Variants in TRIM2 observed in about 807,000 individuals in gnomAD.
TRIM2 encodes the protein tripartite motif containing 2, also known as tripartite motif-containing protein 2.
TRIM2 carries 20 observed loss-of-function variants against 75.2 expected under a neutral mutation model. The ratio of observed to expected loss-of-function variants is 0.27; its 90% CI spans 0.19 to 0.39. The LOEUF (loss-of-function observed/expected upper bound fraction) is 0.39. Among genes scored for constraint, TRIM2 ranks in the 10% least tolerant of loss-of-function variants. The pLI, the probability that TRIM2 is intolerant of heterozygous loss-of-function variation, is 1.00. For synonymous variants in TRIM2, 373 were observed against 388.3 expected, an observed-to-expected ratio of 0.96 and a Z score of 0.46; for missense variants, 660 against 990.8, an observed-to-expected ratio of 0.67 and a Z score of 4.48.
intron 1 of TRIM2, among the ~76,000 whole-genome samples, chr4:153,231,852 C>T (rs1307880342): frequency 6.6e-6 from 1 of 151,880 alleles, no homozygotes; most frequent in Non-Finnish European, 1.5e-5. Context: ...CTAATGACTT[C>T]ATTTTAACTT....
intron 1 of TRIM2, among the ~76,000 whole-genome samples, chr4:153,153,499 A>G (rs1285928013): frequency 6.6e-6 from 1 of 152,174 alleles, no homozygotes; most frequent in East Asian, 1.9e-4. Flanking sequence ...CAGGGTTGCC[A>G]GCGCCGGGCT....
chr4:153,221,041 A>G (rs1028294115), intron 1 of TRIM2, among the ~76,000 whole-genome samples: 1 of 152,234 alleles, frequency 6.6e-6, no homozygotes, highest in Admixed American at 6.5e-5. Context: ...CTTGCATTCA[A>G]ATGTTCATAG....
chr4:153,330,464 G>A (rs1431445544), intron 11 of TRIM2, among the ~76,000 whole-genome samples: 3 of 152,102 alleles, frequency 2.0e-5, no homozygotes, highest in African/African-American at 4.8e-5. Flanking sequence ...TGACCAAGTG[G>A]AGTTTATTCC....
chr4:153,315,735 T>G (rs1767446465), intron 7 of TRIM2, 97 bp from the exon 8 acceptor site: 1 of 1,506,902 alleles, frequency 6.6e-7, no homozygotes, highest in African/African-American at 1.4e-5. Flanking sequence ...AGTTTGCGTG[T>G]TCTGATCTCT....
intron 11 of TRIM2, 50 bp from the exon 12 acceptor site, chr4:153,334,764 A>T (rs200558727): frequency 6.6e-7 from 1 of 1,510,990 alleles, no homozygotes; most frequent in South Asian, 1.2e-5. Flanking sequence ...CATGTTCAGC[A>T]TATTACTATA....
chr4:153,204,283 T>C (rs28754692), upstream of TRIM2, among the ~76,000 whole-genome samples: 64,953 of 152,106 alleles, frequency 0.43, 18,248 homozygotes, highest in African/African-American at 0.82. Context: ...GTGTTTCTCA[T>C]TCCCGTCTCC....
chr4:153,288,444 G>GA (rs915250542), intron 3 of TRIM2, among the ~76,000 whole-genome samples: 5 of 151,526 alleles, frequency 3.3e-5, no homozygotes, highest in African/African-American at 7.3e-5. Flanking sequence ...TTAGAAAAAA[G>GA]AAAAAAAATC....
rs1772637070 is a variant in TRIM2 at position 153,337,914 on chromosome 4, T to C, written c.*2948T>C. ...CCAGTACAGACCCCCCAGCCCCCCT[T>C]GCTGGACATGGGGAGGCAGAGAGTC... On this transcript the variant is annotated 3_prime_UTR_variant, in exon 12 of 12. Transcript: ENST00000338700. The C allele has an allele frequency of 3.0e-6, 3 of 985,674 alleles. No individual in the cohort carries two copies. In the South Asian group the frequency reaches 1.4e-4, roughly 46 times the overall value. The allele number at this position is 985,674 out of a possible 1,614,324, so 61.1% of individuals were successfully genotyped here. A position where few individuals can be genotyped will look rare whatever the true frequency, so the allele number is the denominator to read the frequency against.
chr4:153,223,230 C>A (rs1261637848), intron 1 of TRIM2, among the ~76,000 whole-genome samples: 1 of 152,144 alleles, frequency 6.6e-6, no homozygotes, highest in African/African-American at 2.4e-5. Context: ...AGCAGCAGAA[C>A]CTGGACGCCG....
chr4:153,202,269 C>G (rs551988733), upstream of TRIM2, among the ~76,000 whole-genome samples: 1 of 152,206 alleles, frequency 6.6e-6, no homozygotes, highest in Non-Finnish European at 1.5e-5. Context: ...TACTATATCA[C>G]TTTATAAATG....
intron 1 of TRIM2, among the ~76,000 whole-genome samples, chr4:153,198,267 A>G (rs1006265042): frequency 1.3e-5 from 2 of 152,194 alleles, no homozygotes; most frequent in Non-Finnish European, 2.9e-5. Flanking sequence ...CTTGAATTGT[A>G]TCTCCCAGAA....
intron 1 of TRIM2, among the ~76,000 whole-genome samples, chr4:153,260,695 C>CT (rs1260416528): frequency 0.068 from 3,858 of 56,384 alleles, 666 homozygotes; most frequent in African/African-American, 0.21. Flanking sequence ...CACCCACCCC[C>CT]CCCCCCACAC....
intron 3 of TRIM2, among the ~76,000 whole-genome samples, chr4:153,291,067 C>CA (rs113627839): frequency 0.059 from 8,936 of 150,278 alleles, 828 homozygotes; most frequent in African/African-American, 0.2. Context: ...CTTTATATGA[C>CA]AAAAAAAAAG....
chr4:153,226,126 C>T (rs1742062973), intron 1 of TRIM2, among the ~76,000 whole-genome samples: 1 of 152,200 alleles, frequency 6.6e-6, no homozygotes, highest in South Asian at 2.1e-4. Context: ...CTGCTTTGGC[C>T]TCCCAAAGTG....
chr4:153,322,509 A>G lies in TRIM2; in HGVS notation c.1783-139A>G, dbSNP rs2119166. The stretch of plus-strand genomic sequence containing the variant: ...AGCCAGTTTTCCAAGACAGAAGTTC[A>G]TTGTGATATATGAGTAGCTGTGTAC... On this transcript the variant is annotated intron_variant, in intron 8 of 11. Coordinates refer to ENST00000338700, the MANE Select transcript of TRIM2 (RefSeq NM_015271.5). The G allele has an allele frequency of 0.016, 12,771 of 805,868 alleles. 1,080 individuals carry two copies. The African/African-American group carries it at 0.19, about 12-fold the overall frequency. 49.9% of individuals were successfully genotyped at this position (805,868 alleles called of 1,614,324 possible). A position where few individuals can be genotyped will look rare whatever the true frequency, so the allele number is the denominator to read the frequency against.
At chr4:153,179,854 C>G (rs1336545789) in intron 1 of TRIM2, among the ~76,000 whole-genome samples, 3 of 152,168 alleles carry the variant, frequency 2.0e-5, no homozygotes, top group Non-Finnish European at 4.4e-5. Context: ...ACAACGGGAG[C>G]CTCTATTTAG....
chr4:153,164,841 G>C (rs1350422663), intron 1 of TRIM2, among the ~76,000 whole-genome samples: 4 of 152,004 alleles, frequency 2.6e-5, no homozygotes, highest in Non-Finnish European at 2.9e-5. Context: ...TATATTACTA[G>C]GACCATGTAA....
At chr4:153,243,999 T>C (rs1033510455) in intron 1 of TRIM2, among the ~76,000 whole-genome samples, 4 of 151,768 alleles carry the variant, frequency 2.6e-5, no homozygotes, top group African/African-American at 2.4e-5. Context: ...CTAAATTTTT[T>C]TGTAGAAATG....
chr4:153,285,760 C>CGTGTGTGT (rs34272004), intron 3 of TRIM2, among the ~76,000 whole-genome samples: 1 of 150,260 alleles, frequency 6.7e-6, no homozygotes, highest in African/African-American at 2.4e-5. Flanking sequence ...AATGTGTGTG[C>CGTGTGTGT]GTGTGTGTGT....
Sources: gnomAD v4.1 joint callset for allele counts (sites outside exome capture counted in the v4.1 genomes callset) on GRCh38, gnomAD v4.1.1 for gene constraint, MANE v1.5 for transcripts, NCBI Gene and HGNC (gene_info 2026-07-23, HGNC 2026-07-21) for gene names.